HK1: variants seen among roughly 807,000 people sequenced by gnomAD.
HK1 encodes the protein hexokinase 1.
In HK1, 28 loss-of-function variants were observed where a neutral mutation model predicts 91.6. That is an observed-to-expected ratio of 0.31 (90% CI 0.23 to 0.42). The LOEUF (loss-of-function observed/expected upper bound fraction) is 0.42. Among genes scored for constraint, HK1 ranks in the 10% least tolerant of loss-of-function variants. The pLI, the probability that HK1 is intolerant of heterozygous loss-of-function variation, is 1.00. For synonymous variants in HK1, 430 were observed against 468.1 expected (o/e 0.92, Z 1.05); for missense variants, 770 against 1,219.8 (o/e 0.63, Z 5.49).
chr10:69,295,821 A>G, intron 4 of HK1: 1 of 695,578 alleles, frequency 1.4e-6, no homozygotes. Flanking sequence ...AGCAGTATTG[A>G]CCTCCAACTT....
intron 2 of HK1, among the ~76,000 whole-genome samples, chr10:69,346,220 T>C (rs1848552127): frequency 6.6e-6 from 1 of 152,250 alleles, no homozygotes; most frequent in Admixed American, 6.5e-5. Flanking sequence ...TTTGAAATGT[T>C]AATCACTGCT....
intron 2 of HK1, among the ~76,000 whole-genome samples, chr10:69,285,763 A>G (rs751148261): frequency 8.5e-5 from 13 of 152,328 alleles, no homozygotes; most frequent in South Asian, 2.1e-4. Flanking sequence ...ATGACTAGCT[A>G]TAAACCAGCT....
intron 16 of HK1, among the ~76,000 whole-genome samples, chr10:69,397,365 A>G (rs1267771731): frequency 8.5e-5 from 13 of 152,316 alleles, no homozygotes; most frequent in Admixed American, 2.6e-4. Context: ...AGTGGTATGG[A>G]AAGTCTTTTC....
intron 2 of HK1, among the ~76,000 whole-genome samples, chr10:69,357,680 T>C (rs951230937): frequency 6.6e-6 from 1 of 152,136 alleles, no homozygotes; most frequent in Admixed American, 6.6e-5. Flanking sequence ...CTCAAACTCC[T>C]GAGCTCAAGC....
chr10:69,373,650 A>C (rs902964064), intron 7 of HK1, among the ~76,000 whole-genome samples: 4 of 146,510 alleles, frequency 2.7e-5, no homozygotes, highest in African/African-American at 1.0e-4. Context: ...GAGTGCAGTG[A>C]TGTGATCTCA....
chr10:69,274,019 A>G (rs932026358), intron 1 of HK1, among the ~76,000 whole-genome samples: 9 of 152,130 alleles, frequency 5.9e-5, no homozygotes, highest in African/African-American at 1.7e-4. Flanking sequence ...TTAAGCATAA[A>G]TAGCCATAGA....
chr10:69,332,528 C>T (rs750163080), intron 1 of HK1, among the ~76,000 whole-genome samples: 6 of 151,806 alleles, frequency 4.0e-5, no homozygotes, highest in Non-Finnish European at 7.4e-5. Context: ...ACAGGAGCGC[C>T]GCACCACACC....
At chr10:69,377,115 C>A (rs778118685) in intron 8 of HK1, 26 bp downstream of exon 8, 10 of 1,613,768 alleles carry the variant, frequency 6.2e-6, no homozygotes, top group East Asian at 2.2e-5. Flanking sequence ...TCAAGGCTTT[C>A]TTGGGGTGTT....
intron 16 of HK1, 94 bp from the exon 17 acceptor site, chr10:69,398,501 G>C: frequency 1.2e-6 from 1 of 865,432 alleles, no homozygotes; most frequent in Non-Finnish European, 1.9e-6. Context: ...GATGAGTACA[G>C]TGATTGGGGG....
chr10:69,352,945 T>C (rs1411160604), intron 2 of HK1, among the ~76,000 whole-genome samples: 1 of 152,210 alleles, frequency 6.6e-6, no homozygotes, highest in Non-Finnish European at 1.5e-5. Flanking sequence ...ATAAGAAATA[T>C]ACATGTTGGT....
rs539496554 is a variant in HK1 at position 69,338,511 on chromosome 10, C to T, written c.64-5316C>T. On this transcript the variant is annotated intron_variant, in intron 1 of 17. Transcript: ENST00000359426. ...GTCTTCTGATAGATGGTCCACAGAC[C>T]GAGGCTTGCAGTGGAAGCAGCTGGA... 1,340 of 1,289,340 alleles carry T rather than the reference C, an allele frequency of 1.0e-3. 2 individuals are homozygous for T. Among genetic ancestry groups the T allele is most frequent in the Non-Finnish European group, 1.3e-3 (1,278 of 988,536 alleles). 79.9% of individuals were successfully genotyped at this position (1,289,340 alleles called of 1,614,324 possible). A position where few individuals can be genotyped will look rare whatever the true frequency, so the allele number is the denominator to read the frequency against.
At position 69,389,243 on chromosome 10, in the gene HK1, C is replaced by T; in HGVS notation, c.1982C>T (p.Thr661Ile). ...GCTGTGGTCAACGACACAGTGGGCA[C>T]CATGATGACCTGTGCTTATGAGGAG... is the stretch of plus-strand genomic sequence containing the variant. ...VVAVVNDTVG[T>I]MMTCAYEEPT... The change falls in exon 14 of 18, where the codon ACC becomes ATC. Residue 661 changes from threonine (T) to isoleucine (I), a missense_variant. Around this residue, in one of 7 missense-constraint regions of HK1, gnomAD observed 152 missense variants for 211.1 expected, o/e 0.72. Coordinates refer to ENST00000359426, the MANE Select transcript of HK1 (RefSeq NM_000188.3). The T allele has an allele frequency of 6.2e-7, 1 of 1,614,020 alleles. No individual in the cohort carries two copies. The highest frequency in any genetic ancestry group is 8.5e-7 in the Non-Finnish European group (1 of 1,179,962).
chr10:69,315,923 C>T (rs775110383), upstream of HK1: 43 of 1,611,678 alleles, frequency 2.7e-5, no homozygotes, highest in Non-Finnish European at 3.6e-5. Flanking sequence ...CAGGTTCCTG[C>T]CCTGTAAAGA....
At chr10:69,304,093 G>A (rs1422009910) in intron 5 of HK1, among the ~76,000 whole-genome samples, 1 of 152,072 alleles carries the variant, frequency 6.6e-6, no homozygotes, top group Non-Finnish European at 1.5e-5. Context: ...CAATAGTGAT[G>A]TAATCCCCAG....
In HK1 at chr10:69,337,522, T is replaced by C. The variant is rs114652722; in HGVS notation, c.64-6305T>C. Reference sequence around the variant, plus strand: ...GAAGGTCCTGTATCTGAAGGGCCAGTGCACATGTGAGCCATTGCTAATTGT... The same window carrying C: ...GAAGGTCCTGTATCTGAAGGGCCAGCGCACATGTGAGCCATTGCTAATTGT... On this transcript the variant is annotated intron_variant, in intron 1 of 17. Transcript: ENST00000359426. 3.3e-3 allele frequency among the ~76,000 whole-genome samples: 504 copies of C among 152,336 alleles called. 1 individual carries two copies. Among genetic ancestry groups the C allele is most frequent in the African/African-American group, 0.012 (483 of 41,574 alleles).
intron 1 of HK1, chr10:69,338,558 C>A (rs1312976109): frequency 7.8e-7 from 1 of 1,289,676 alleles, no homozygotes; most frequent in South Asian, 1.2e-5. Flanking sequence ...GCGGTGTCCT[C>A]CCCAACTCCC....
intron 1 of HK1, among the ~76,000 whole-genome samples, chr10:69,273,819 C>G (rs1844303411): frequency 6.6e-6 from 1 of 152,124 alleles, no homozygotes; most frequent in Non-Finnish European, 1.5e-5. Flanking sequence ...TCTCTATTGA[C>G]ATTATTTATC....
intron 17 of HK1, 151 bp downstream of exon 17, chr10:69,398,979 C>T (rs1259307668): frequency 1.6e-6 from 1 of 637,788 alleles, no homozygotes; most frequent in Admixed American, 2.7e-5. Context: ...TTGTCTAGGA[C>T]AAGGTAATGA....
chr10:69,390,374 CATTTCATAGCT>C (rs1839842254), intron 14 of HK1, among the ~76,000 whole-genome samples: 1 of 151,136 alleles, frequency 6.6e-6, no homozygotes, highest in South Asian at 2.1e-4. Context: ...GCTCCAGCTA[CATTTCATAGCT>C]ACTTCATAGC....
Sources: allele counts gnomAD v4.1 joint callset (sites outside exome capture counted in the v4.1 genomes callset), GRCh38; gene constraint gnomAD v4.1.1; regional missense constraint gnomAD v4.1.1; transcripts MANE v1.5; gene names NCBI Gene and HGNC (gene_info 2026-07-23, HGNC 2026-07-21).